Variants in NKAIN3 observed in about 807,000 individuals in gnomAD.
NKAIN3 encodes the protein sodium/potassium-transporting ATPase subunit beta-1-interacting protein 3.
In NKAIN3, 25 loss-of-function variants were observed where a neutral mutation model predicts 30.2. The ratio of observed to expected loss-of-function variants is 0.83; its 90% CI spans 0.60 to 1.16. The LOEUF is 1.16. Among genes scored for constraint, NKAIN3 ranks in the 50% most tolerant of loss-of-function variants. The probability of loss-of-function intolerance (pLI) is 0.00; values close to 1 mark genes in which losing one functional copy is unlikely to be tolerated. For missense variants in NKAIN3, 225 were observed against 254.1 expected, an observed-to-expected ratio of 0.89 and a Z score of 0.78; for synonymous variants, 91 against 89.6, an observed-to-expected ratio of 1.02 and a Z score of -0.09.
At chr8:62,940,432 A>G (rs1277210941) in intron 5 of NKAIN3, among the ~76,000 whole-genome samples, 1 of 152,160 alleles carries the variant, frequency 6.6e-6, no homozygotes, top group African/African-American at 2.4e-5. Context: ...ACAGATATTT[A>G]CTAAACATTC....
intron 1 of NKAIN3, among the ~76,000 whole-genome samples, chr8:62,382,494 C>T (rs1351290202): frequency 2.0e-5 from 3 of 152,072 alleles, no homozygotes; most frequent in Non-Finnish European, 4.4e-5. Flanking sequence ...TTCTGTCTAA[C>T]TTTTTGCTTT....
intron 4 of NKAIN3, among the ~76,000 whole-genome samples, chr8:62,753,350 AT>A (rs1816347973): frequency 2.0e-5 from 3 of 152,082 alleles, no homozygotes; most frequent in Non-Finnish European, 4.4e-5. Flanking sequence ...TATTTTACTC[AT>A]TTAGCACCCG....
intron 1 of NKAIN3, among the ~76,000 whole-genome samples, chr8:62,331,338 A>G (rs1841628200): frequency 6.6e-6 from 1 of 151,998 alleles, no homozygotes; most frequent in Non-Finnish European, 1.5e-5. Context: ...TCTTGGATAC[A>G]TAAGCTGCCA....
At chr8:62,900,840 C>A (rs988694962) in intron 4 of NKAIN3, among the ~76,000 whole-genome samples, 10 of 152,136 alleles carry the variant, frequency 6.6e-5, no homozygotes, top group African/African-American at 2.4e-4. Context: ...TCTCTGACCA[C>A]AAAGATGGAC....
intron 3 of NKAIN3, among the ~76,000 whole-genome samples, chr8:62,633,640 A>G (rs1803257513): frequency 6.6e-6 from 1 of 152,064 alleles, no homozygotes; most frequent in Admixed American, 6.6e-5. Context: ...CGTGCCCACA[A>G]CCTTTTGGGA....
chr8:62,387,630 G>C (rs1420525177), intron 1 of NKAIN3, among the ~76,000 whole-genome samples: 1 of 152,212 alleles, frequency 6.6e-6, no homozygotes, highest in Non-Finnish European at 1.5e-5. Flanking sequence ...ATTTGGAGGA[G>C]AAAGGTGCAG....
chr8:62,448,588 C>T (rs1805552548), intron 1 of NKAIN3, among the ~76,000 whole-genome samples: 1 of 151,562 alleles, frequency 6.6e-6, no homozygotes. Flanking sequence ...CATGCAGTCT[C>T]ACAGTTTGCT....
At chr8:62,588,356 T>C (rs1810542984) in intron 2 of NKAIN3, among the ~76,000 whole-genome samples, 1 of 151,846 alleles carries the variant, frequency 6.6e-6, no homozygotes, top group Non-Finnish European at 1.5e-5. Flanking sequence ...TTTAACATGT[T>C]TTCCAACTAA....
chr8:62,994,146 G>T (rs1804048878), intron 5 of NKAIN3, among the ~76,000 whole-genome samples: 1 of 152,180 alleles, frequency 6.6e-6, no homozygotes, highest in South Asian at 2.1e-4. Flanking sequence ...CCACATATGT[G>T]TAAAAAAGTC....
At chr8:62,699,375 A>G (rs771074722) in intron 3 of NKAIN3, among the ~76,000 whole-genome samples, 6 of 152,212 alleles carry the variant, frequency 3.9e-5, no homozygotes, top group Admixed American at 2.0e-4. Context: ...TTGAATGATG[A>G]CCAATTAAAA....
intron 1 of NKAIN3, among the ~76,000 whole-genome samples, chr8:62,377,177 A>C (rs1817113491): frequency 6.6e-6 from 1 of 152,156 alleles, no homozygotes; most frequent in Admixed American, 6.5e-5. Flanking sequence ...CTATGAAAAA[A>C]ATGTTGATTG....
chr8:62,500,421 AAAGGAAAGAAAGAAAGAAAG>A (rs1259134976), intron 1 of NKAIN3, among the ~76,000 whole-genome samples: 8 of 130,254 alleles, frequency 6.1e-5, no homozygotes, highest in African/African-American at 1.8e-4. Flanking sequence ...AAGAAGGAAG[AAAGGAAAGAAAGAAAGAAAG>A]AAAGAAAGAA....
chr8:62,735,378 CTTTTT>C (rs200472150), intron 3 of NKAIN3, among the ~76,000 whole-genome samples: 12 of 27,756 alleles, frequency 4.3e-4, no homozygotes, highest in African/African-American at 1.3e-3. Flanking sequence ...TTCTTTCTTT[CTTTTT>C]TTTTTTTTTT....
At chr8:62,754,367 C>A (rs1305012997) in intron 4 of NKAIN3, among the ~76,000 whole-genome samples, 1 of 149,544 alleles carries the variant, frequency 6.7e-6, no homozygotes, top group African/African-American at 2.5e-5. Flanking sequence ...TTAGTGCACA[C>A]ACACACACAC....
chr8:62,460,647 C>T (rs1563408870), intron 1 of NKAIN3, among the ~76,000 whole-genome samples: 2 of 152,094 alleles, frequency 1.3e-5, no homozygotes, highest in African/African-American at 2.4e-5. Flanking sequence ...TGCAGCCTGG[C>T]AAGCATCAGA....
intron 1 of NKAIN3, among the ~76,000 whole-genome samples, chr8:62,516,982 T>A (rs189707164): frequency 2.0e-5 from 3 of 152,286 alleles, no homozygotes; most frequent in South Asian, 4.1e-4. Context: ...GACATCCGAT[T>A]ATAAATCTTT....
intron 3 of NKAIN3, among the ~76,000 whole-genome samples, chr8:62,646,391 C>A (rs536380638): frequency 6.6e-6 from 1 of 152,166 alleles, no homozygotes; most frequent in South Asian, 2.1e-4. Context: ...CTTGTGGAGC[C>A]TTTTCATTTA....
chr8:62,624,795 T>TA (rs548317354), intron 3 of NKAIN3, among the ~76,000 whole-genome samples: 202 of 151,928 alleles, frequency 1.3e-3, no homozygotes, highest in African/African-American at 4.6e-3. Context: ...TTTTTTTTTT[T>TA]TTTCCATCTT....
intron 4 of NKAIN3, among the ~76,000 whole-genome samples, chr8:62,805,926 A>G (rs1443496226): frequency 6.6e-6 from 1 of 152,214 alleles, no homozygotes; most frequent in African/African-American, 2.4e-5. Flanking sequence ...TAATATCCAG[A>G]ATCTACAATG....
Sources: allele counts gnomAD v4.1 joint callset (sites outside exome capture counted in the v4.1 genomes callset), GRCh38; gene constraint gnomAD v4.1.1; transcripts MANE v1.5; gene names NCBI Gene and HGNC (gene_info 2026-07-23, HGNC 2026-07-21).